The following FRY variants were observed in gnomAD, a reference collection of about 807,000 sequenced individuals.
FRY encodes the protein FRY microtubule binding protein.
In FRY, 128 loss-of-function variants were observed where a neutral mutation model predicts 348.4. That is an observed-to-expected ratio of 0.37 (90% confidence interval 0.32 to 0.43). The LOEUF (loss-of-function observed/expected upper bound fraction) is 0.43. Among genes scored for constraint, FRY ranks in the 20% least tolerant of loss-of-function variants. The probability of loss-of-function intolerance (pLI) is 1.00; values close to 1 mark genes in which losing one functional copy is unlikely to be tolerated. For synonymous variants in FRY, 1,370 were observed against 1,374.7 expected, an observed-to-expected ratio of 1.00 and a Z score of 0.08; for missense variants, 2,736 against 3,695.2, an observed-to-expected ratio of 0.74 and a Z score of 6.73.
intron 15 of FRY, 65 bp downstream of exon 15, chr13:32,155,727 A>T (rs941423925): frequency 5.3e-5 from 58 of 1,088,704 alleles, no homozygotes; most frequent in Middle Eastern, 2.7e-4. Context: ...GTAGATATTT[A>T]TCTTTAGTGA....
chr13:32,153,390 C>G (rs1474093572), intron 14 of FRY, among the ~76,000 whole-genome samples: 2 of 152,126 alleles, frequency 1.3e-5, no homozygotes, highest in African/African-American at 4.8e-5. Flanking sequence ...CTGATACTTG[C>G]AATAACATCT....
chr13:32,295,019 C>T (rs868115886), intron 60 of FRY, among the ~76,000 whole-genome samples, 183 bp from the exon 61 acceptor site: 1 of 152,100 alleles, frequency 6.6e-6, no homozygotes, highest in Non-Finnish European at 1.5e-5. Context: ...GATGTTTGCA[C>T]AACTCTGAAG....
Position 32,205,271 on chromosome 13 carries a change from T to A in FRY, c.4018+2744T>A, listed in dbSNP as rs182211798. 2.3e-3 allele frequency among the ~76,000 whole-genome samples: 346 copies of A among 151,874 alleles called. 1 individual carries two copies. The highest frequency in any genetic ancestry group is 8.0e-3 in the African/African-American group (331 of 41,378). On this transcript the variant is annotated intron_variant, in intron 31 of 60. Transcript: ENST00000542859. Reference sequence around the variant, plus strand: ...ATACAGTATAGCAAATGCAATTTTTTAAAAAAGAAAAATGCTCAATGTATT... The same window carrying A: ...ATACAGTATAGCAAATGCAATTTTTAAAAAAAGAAAAATGCTCAATGTATT...
At chr13:32,177,756 G>A (rs1882457831) in intron 20 of FRY, among the ~76,000 whole-genome samples, 1 of 152,158 alleles carries the variant, frequency 6.6e-6, no homozygotes, top group South Asian at 2.1e-4. Flanking sequence ...ATAGCTTTAA[G>A]AACGTGTTAA....
chr13:32,183,399 C>T (rs144470144), intron 24 of FRY, among the ~76,000 whole-genome samples: 305 of 152,232 alleles, frequency 2.0e-3, no homozygotes, highest in African/African-American at 6.7e-3. Context: ...ATCTGGCATA[C>T]GAGGCATTTT....
intron 16 of FRY, among the ~76,000 whole-genome samples, chr13:32,158,132 A>G (rs1881220683): frequency 6.6e-6 from 1 of 152,210 alleles, no homozygotes; most frequent in South Asian, 2.1e-4. Context: ...AGAGATTCAT[A>G]TTGTGGTGTG....
At chr13:32,272,828 C>T (rs762470550) in intron 55 of FRY, among the ~76,000 whole-genome samples, 9 of 152,046 alleles carry the variant, frequency 5.9e-5, no homozygotes, top group Non-Finnish European at 8.8e-5. Context: ...CTCCACCTCC[C>T]GGGTTCAAGC....
chr13:32,242,740 G>A (rs1481222900), intron 46 of FRY, among the ~76,000 whole-genome samples: 2 of 152,072 alleles, frequency 1.3e-5, no homozygotes, highest in Admixed American at 1.3e-4. Flanking sequence ...TCACTATGTT[G>A]GTCAGGCTGG....
chr13:32,278,764 G>A (rs1377790523), intron 58 of FRY, among the ~76,000 whole-genome samples: 1 of 152,102 alleles, frequency 6.6e-6, no homozygotes, highest in African/African-American at 2.4e-5. Context: ...AAAAGTAGAG[G>A]TATAAAATAA....
At chr13:32,263,866 G>A (rs1206953592) in intron 53 of FRY, among the ~76,000 whole-genome samples, 1 of 152,236 alleles carries the variant, frequency 6.6e-6, no homozygotes, top group Non-Finnish European at 1.5e-5. Context: ...AAAATTAACC[G>A]GTCATGGTGG....
At chr13:32,252,372 A>G (rs1272061409) in intron 50 of FRY, among the ~76,000 whole-genome samples, 1 of 152,214 alleles carries the variant, frequency 6.6e-6, no homozygotes, top group Non-Finnish European at 1.5e-5. Context: ...CACATACAAT[A>G]AAGATGAAAA....
At chr13:32,270,641 G>A (rs562312791) in intron 55 of FRY, among the ~76,000 whole-genome samples, 2 of 152,256 alleles carry the variant, frequency 1.3e-5, no homozygotes, top group South Asian at 2.1e-4. Flanking sequence ...TGCCTAGAAC[G>A]GTCATCTCCC....
chr13:32,209,543 A>G (rs1223536836), intron 32 of FRY, 42 bp from the exon 33 acceptor site: 3 of 1,606,740 alleles, frequency 1.9e-6, no homozygotes, highest in Non-Finnish European at 2.6e-6. Flanking sequence ...GCGTCCTTAC[A>G]GTTTTCACAC....
chr13:32,127,583 C>T (rs1879097972), intron 7 of FRY, among the ~76,000 whole-genome samples: 1 of 152,096 alleles, frequency 6.6e-6, no homozygotes, highest in African/African-American at 2.4e-5. Flanking sequence ...CGAGACCATC[C>T]TGGCTAACAC....
intron 4 of FRY, among the ~76,000 whole-genome samples, chr13:32,118,505 A>T (rs204574): frequency 0.011 from 1,715 of 152,278 alleles, 12 homozygotes; most frequent in Non-Finnish European, 0.02. Flanking sequence ...AATGTGCTTG[A>T]ATTTATGCAA....
rs372890191 is a variant in FRY at position 32,212,245 on chromosome 13, C to T, written c.4592-47C>T. Reference sequence around the variant, plus strand: ...TACTTGAGACTTGAGCTTGACCCCTCAGCTTGCATCTTTTTATAAGTGTTT... The same window carrying T: ...TACTTGAGACTTGAGCTTGACCCCTTAGCTTGCATCTTTTTATAAGTGTTT... On this transcript the variant is annotated intron_variant, in intron 34 of 60. Coordinates refer to ENST00000542859, the MANE Select transcript of FRY (RefSeq NM_023037.3). 13 of 1,080,230 alleles carry T rather than the reference C, an allele frequency of 1.2e-5. No individual in the cohort carries two copies. The African/African-American group carries it at 1.6e-4, about 13-fold the overall frequency. The allele number at this position is 1,080,230 out of a possible 1,614,324, so 66.9% of individuals were successfully genotyped here.
chr13:32,033,545 A>T (rs1566038663), intron 1 of FRY, among the ~76,000 whole-genome samples: 6 of 152,180 alleles, frequency 3.9e-5, no homozygotes, highest in Non-Finnish European at 8.8e-5. Flanking sequence ...CACCCTTCCT[A>T]AACTCCTCTC....
In FRY at chr13:32,178,230, C is replaced by T. The variant is rs759716947; in HGVS notation, c.2475C>T (p.Asn825=). 3.5e-5 allele frequency: 56 copies of T among 1,613,934 alleles called. No individual in the cohort carries two copies. Among genetic ancestry groups the T allele is most frequent in the Admixed American group, 2.5e-4 (15 of 60,000 alleles). The change falls in exon 21 of 61, where the codon AAC becomes AAT. Residue 825 remains asparagine (N), a synonymous_variant. Transcript: ENST00000542859. ...ATCTGCAGTGGTTGGTGGAATGGAA[C>T]GCAGTCCTGGTCAATAGCCATTATG... The part of the protein sequence containing the change: ...NVDLQWLVEW[N]AVLVNSHYDV...
At chr13:32,070,400 A>G (rs1443563560) in intron 1 of FRY, among the ~76,000 whole-genome samples, 2 of 152,074 alleles carry the variant, frequency 1.3e-5, no homozygotes, top group Non-Finnish European at 2.9e-5. Flanking sequence ...CTTTTTAATG[A>G]TTGCCATTCT....
Sources: allele counts gnomAD v4.1 joint callset (sites outside exome capture counted in the v4.1 genomes callset), GRCh38; gene constraint gnomAD v4.1.1; transcripts MANE v1.5; gene names NCBI Gene and HGNC (gene_info 2026-07-23, HGNC 2026-07-21).